Variants in SEC24B observed in about 807,000 individuals in gnomAD.
The protein encoded by SEC24B is SEC24 homolog B, COPII component, also known as protein transport protein Sec24B.
A neutral mutation model predicts 142.8 loss-of-function variants in SEC24B; 45 were observed. That is an observed-to-expected ratio of 0.32 (90% confidence interval 0.25 to 0.40). SEC24B has a LOEUF of 0.40. Ranked by LOEUF, SEC24B falls within the 10% of genes least tolerant of loss-of-function variation. The probability of loss-of-function intolerance (pLI) is 1.00; values close to 1 mark genes in which losing one functional copy is unlikely to be tolerated. For missense variants in SEC24B, 1,409 were observed against 1,526.8 expected, an observed-to-expected ratio of 0.92 and a Z score of 1.29; for synonymous variants, 574 against 568.2, an observed-to-expected ratio of 1.01 and a Z score of -0.15.
chr4:109,536,560 C>G (rs1457385014), intron 22 of SEC24B, among the ~76,000 whole-genome samples: 1 of 152,100 alleles, frequency 6.6e-6, no homozygotes, highest in Non-Finnish European at 1.5e-5. Flanking sequence ...GATGGAGTCT[C>G]ACTCTGTCAC....
At chr4:109,535,051 C>G (rs1725365748) in intron 22 of SEC24B, among the ~76,000 whole-genome samples, 1 of 152,154 alleles carries the variant, frequency 6.6e-6, no homozygotes. Flanking sequence ...CATTCATCCA[C>G]TGATGGATAT....
chr4:109,535,926 C>T (rs1448116545), intron 22 of SEC24B, among the ~76,000 whole-genome samples: 1 of 151,946 alleles, frequency 6.6e-6, no homozygotes, highest in Non-Finnish European at 1.5e-5. Context: ...CTAACCAATA[C>T]CAAGGAAATA....
At chr4:109,535,339 G>A (rs1302243460) in intron 22 of SEC24B, among the ~76,000 whole-genome samples, 3 of 152,062 alleles carry the variant, frequency 2.0e-5, no homozygotes, top group African/African-American at 7.2e-5. Context: ...GTATCACGAG[G>A]TCAAGAGATC....
At position 109,521,146 on chromosome 4, in the gene SEC24B, C is replaced by A. The variant is rs377350570; in HGVS notation, c.2275C>A (p.Leu759Ile). ...TTTTCTACCTACACCGGATAGTTTACTTGTGAATCTATATGAAAGTAAAGA... is the reference window on the plus strand; with the variant it reads ...TTTTCTACCTACACCGGATAGTTTAATTGTGAATCTATATGAAAGTAAAGA... ...DVFLPTPDSL[L>I]VNLYESKELI... is the part of the protein sequence containing the mutation. Residue 759 changes from leucine (L) to isoleucine (I), a missense_variant, in exon 13 of 24, where the codon CTT (leucine) becomes ATT (isoleucine). Physicochemically the swap from Leu to Ile is conservative, Grantham distance 5 (BLOSUM62 2). Coordinates refer to ENST00000265175, the MANE Select transcript of SEC24B (RefSeq NM_006323.5). The A allele has an allele frequency of 1.3e-6, 2 of 1,523,614 alleles. No individual in the cohort carries two copies. The highest frequency in any genetic ancestry group is 2.3e-5 in the South Asian group (2 of 86,804). 94.4% of individuals were successfully genotyped at this position (1,523,614 alleles called of 1,614,324 possible).
intron 20 of SEC24B, among the ~76,000 whole-genome samples, chr4:109,532,007 C>A (rs918826218): frequency 6.6e-6 from 1 of 152,110 alleles, no homozygotes; most frequent in African/African-American, 2.4e-5. Flanking sequence ...CAGGCACATG[C>A]CACCACGCCT....
chr4:109,525,544 G>A (rs756457758), intron 16 of SEC24B, 40 bp downstream of exon 16: 3 of 1,418,120 alleles, frequency 2.1e-6, no homozygotes, highest in African/African-American at 2.9e-5. Context: ...TTAAATACTT[G>A]TATCAAAGTC....
chr4:109,474,991 G>A (rs1215971884), intron 3 of SEC24B, among the ~76,000 whole-genome samples: 9 of 152,156 alleles, frequency 5.9e-5, no homozygotes, highest in Non-Finnish European at 1.0e-4. Flanking sequence ...GAGATTGACA[G>A]AGGTTAGGTA....
At chr4:109,484,350 A>G (rs1287058469) in intron 4 of SEC24B, among the ~76,000 whole-genome samples, 2 of 152,176 alleles carry the variant, frequency 1.3e-5, no homozygotes, top group Admixed American at 1.3e-4. Flanking sequence ...TTCTCAGTGC[A>G]TCCTATTTGA....
chr4:109,500,028 C>A (rs1284668069), intron 6 of SEC24B, among the ~76,000 whole-genome samples: 1 of 152,090 alleles, frequency 6.6e-6, no homozygotes, highest in Non-Finnish European at 1.5e-5. Flanking sequence ...TGATATTGAT[C>A]CTGATCCTGT....
At chr4:109,491,197 T>G (rs1734984911) in intron 4 of SEC24B, 130 bp from the exon 5 acceptor site, 1 of 634,048 alleles carries the variant, frequency 1.6e-6, no homozygotes, top group African/African-American at 1.8e-5. Flanking sequence ...TAGACATCAA[T>G]CATTTTACTT....
rs1561177753 is a variant in SEC24B, at chr4:109,524,807, T to C, written c.2509-11T>C. On this transcript the variant is annotated splice_polypyrimidine_tract_variant and intron_variant, in intron 14 of 23. Coordinates refer to ENST00000265175, the MANE Select transcript of SEC24B (RefSeq NM_006323.5). ...GATTGCTAGCTCTTACTATATGATC[T>C]GTTGACTTAGGTGGTACAACATCTT... The C allele has an allele frequency of 3.1e-6, 5 of 1,604,882 alleles. No individual in the cohort carries two copies. Among genetic ancestry groups the C allele is most frequent in the East Asian group, 2.2e-5 (1 of 44,502 alleles).
intron 14 of SEC24B, among the ~76,000 whole-genome samples, chr4:109,522,572 A>G (rs1723762809): frequency 6.6e-6 from 1 of 152,248 alleles, no homozygotes; most frequent in African/African-American, 2.4e-5. Context: ...GGTAAAACTT[A>G]CTAAATGTAA....
chr4:109,444,594 T>G (rs933229446), intron 1 of SEC24B, among the ~76,000 whole-genome samples: 2 of 151,740 alleles, frequency 1.3e-5, no homozygotes, highest in African/African-American at 4.8e-5. Context: ...TTGGTGAGAA[T>G]CTGGTGTCTG....
intron 6 of SEC24B, among the ~76,000 whole-genome samples, chr4:109,498,176 T>G (rs1735724633): frequency 6.6e-6 from 1 of 152,174 alleles, no homozygotes. Context: ...CAAGGAAGAT[T>G]ACAAGCAGCT....
chr4:109,461,254 A>G (rs565733644), intron 1 of SEC24B, among the ~76,000 whole-genome samples: 32 of 152,334 alleles, frequency 2.1e-4, no homozygotes, highest in Admixed American at 3.3e-4. Context: ...TATTGGGACA[A>G]TGAGGCAATA....
At position 109,506,510 on chromosome 4, in the gene SEC24B, A is replaced by G. The variant is rs368657551; in HGVS notation, c.1671A>G (p.Pro557=). The G allele has an allele frequency of 4.8e-5, 72 of 1,513,280 alleles. 1 individual carries two copies. Among genetic ancestry groups the G allele is most frequent in the Non-Finnish European group, 6.2e-5 (70 of 1,132,354 alleles). 93.7% of individuals were successfully genotyped at this position (1,513,280 alleles called of 1,614,324 possible). ...ACCTCAAAAAATTAAACTGTAGCCC[A>G]GAGTAGGTATTTATTTATTTTATAA... ...NADLKKLNCS[P]DSFRCTLTNI... The change falls in exon 7 of 24, where the codon CCA becomes CCG. Residue 557 remains proline (P), a splice_region_variant and synonymous_variant. Coordinates refer to ENST00000265175, the MANE Select transcript of SEC24B (RefSeq NM_006323.5).
At chr4:109,515,224 C>T (rs1737805295) in intron 10 of SEC24B, among the ~76,000 whole-genome samples, 2 of 152,040 alleles carry the variant, frequency 1.3e-5, no homozygotes, top group Admixed American at 1.3e-4. Context: ...CCTCAGCCTT[C>T]CGAGTAGCTA....
At chr4:109,442,621 TGGAATTCAATTCA>T (rs1331759764) in intron 1 of SEC24B, among the ~76,000 whole-genome samples, 2 of 152,284 alleles carry the variant, frequency 1.3e-5, no homozygotes, top group Admixed American at 6.5e-5. Context: ...AAAAAAAAGT[TGGAATTCAATTCA>T]GGAAAATATT....
intron 6 of SEC24B, among the ~76,000 whole-genome samples, chr4:109,498,194 T>A (rs2126017462): frequency 6.6e-6 from 1 of 152,304 alleles, no homozygotes; most frequent in Admixed American, 6.5e-5. Flanking sequence ...GCTATTTTTG[T>A]CTGATCTGAA....
Sources: gnomAD v4.1 joint callset for allele counts (sites outside exome capture counted in the v4.1 genomes callset) on GRCh38, gnomAD v4.1.1 for gene constraint, MANE v1.5 for transcripts, NCBI Gene and HGNC (gene_info 2026-07-23, HGNC 2026-07-21) for gene names.